Variants in CFAP99 observed in about 807,000 individuals in gnomAD.
CFAP99 encodes cilia and flagella associated protein 99, also known as cilia- and flagella-associated protein 99.
Under a neutral mutation model 82.7 loss-of-function variants are expected in CFAP99, and 84 were observed. The observed-to-expected ratio is 1.02, with a 90% CI of 0.85 to 1.22. The LOEUF is 1.22. CFAP99 is among the 50% of genes most tolerant of loss of function. The pLI is 0.00. For missense variants in CFAP99, 1,059 were observed against 983.5 expected (o/e 1.08, Z -1.03); for synonymous variants, 456 against 429.5 (o/e 1.06, Z -0.76).
intron 3 of CFAP99, among the ~76,000 whole-genome samples, chr4:2,437,280 G>A (rs954394084): frequency 2.0e-5 from 3 of 152,192 alleles, no homozygotes; most frequent in Non-Finnish European, 4.4e-5. Context: ...AAGGCAGCCC[G>A]GACAACACGA....
At chr4:2,442,131 G>C (rs937513250) in intron 4 of CFAP99, among the ~76,000 whole-genome samples, 2 of 152,206 alleles carry the variant, frequency 1.3e-5, no homozygotes, top group African/African-American at 4.8e-5. Flanking sequence ...CCCCAGCTGA[G>C]ACGCTGAGTG....
chr4:2,442,054 A>G (rs1734054435), intron 4 of CFAP99, among the ~76,000 whole-genome samples: 3 of 152,156 alleles, frequency 2.0e-5, no homozygotes, highest in Non-Finnish European at 4.4e-5. Flanking sequence ...GGTTCCGGGT[A>G]GGGCTGTCCC....
At chr4:2,460,510 A>G (rs560950522) in intron 14 of CFAP99, among the ~76,000 whole-genome samples, 1 of 152,326 alleles carries the variant, frequency 6.6e-6, no homozygotes, top group East Asian at 1.9e-4. Context: ...ACCTTTCACC[A>G]TATGTGCTTC....
chr4:2,440,042 A>G (rs1426072798), intron 4 of CFAP99, among the ~76,000 whole-genome samples: 3 of 151,188 alleles, frequency 2.0e-5, no homozygotes, highest in South Asian at 4.2e-4. Context: ...GGGTTTCACC[A>G]TGTTGGCCAG....
chr4:2,443,330 C>G (rs889134802), intron 5 of CFAP99, 88 bp downstream of exon 5: 3 of 762,868 alleles, frequency 3.9e-6, no homozygotes, highest in Non-Finnish European at 6.7e-6. Context: ...TCCACGTTCC[C>G]CTTCCTGCTC....
chr4:2,454,084 C>T (rs1328527310), intron 11 of CFAP99, among the ~76,000 whole-genome samples: 1 of 152,008 alleles, frequency 6.6e-6, no homozygotes, highest in Non-Finnish European at 1.5e-5. Flanking sequence ...CTGCAACCTC[C>T]ACCTCCTGGG....
chr4:2,445,130 G>C lies in CFAP99; in HGVS notation c.465-1G>C. On this transcript the variant is annotated splice_acceptor_variant, in intron 5 of 14. Transcript: ENST00000635017. LOFTEE classifies it high-confidence loss of function. ...GAGGTGTTTCCACTTTTGCCTTCAA[G>C]ATGGCAGCCAGAGGTCCAGGAGCTG... is the stretch of plus-strand genomic sequence containing the variant. 1 of 1,352,158 alleles carries C rather than the reference G, an allele frequency of 7.4e-7. No individual in the cohort carries two copies. The highest frequency in any genetic ancestry group is 9.5e-7 in the Non-Finnish European group (1 of 1,055,050). The allele number at this position is 1,352,158 out of a possible 1,614,324, so 83.8% of individuals were successfully genotyped here. A position where few individuals can be genotyped will look rare whatever the true frequency, so the allele number is the denominator to read the frequency against.
chr4:2,442,881 T>G (rs953567398), intron 4 of CFAP99, among the ~76,000 whole-genome samples: 11 of 147,708 alleles, frequency 7.4e-5, no homozygotes, highest in Non-Finnish European at 1.4e-4. Context: ...GGCAGGGAGC[T>G]CACTGGGGGT....
At chr4:2,442,933 GGCC>G (rs1734079671) in intron 4 of CFAP99, among the ~76,000 whole-genome samples, 194 bp from the exon 5 acceptor site, 1 of 108,860 alleles carries the variant, frequency 9.2e-6, no homozygotes, top group Non-Finnish European at 2.0e-5. Flanking sequence ...GGGTGCTGGG[GGCC>G]TTGGGGGGAG....
Position 2,452,250 on chromosome 4 carries a change from G to A in CFAP99, c.1065G>A (p.Arg355=), listed in dbSNP as rs764258165. 9.6e-4 allele frequency: 1,479 copies of A among 1,536,108 alleles called. 15 individuals are homozygous for A. The highest frequency in any genetic ancestry group is 6.7e-4 in the Middle Eastern group (4 of 5,976). The stretch of plus-strand genomic sequence containing the variant: ...AGCAGCTGGCTGCAAGCGAGTGCCG[G>A]CGGTTGCAAGGGAAGCTTAGCCATG... The change falls in exon 11 of 15, where the codon CGG becomes CGA. Residue 355 remains arginine, a synonymous_variant. Transcript: ENST00000635017.
chr4:2,449,921 G>A lies in CFAP99; in HGVS notation c.724-13G>A. 1 of 1,536,212 alleles carries A rather than the reference G, an allele frequency of 6.5e-7. No homozygotes were observed. The highest frequency in any genetic ancestry group is 8.7e-7 in the Non-Finnish European group (1 of 1,146,926). ...AGGCTGGTGGGACTGGAGCCGCTGT[G>A]TCACTGTGGCAGGAGCTGCTGCTGA... On this transcript the variant is annotated splice_polypyrimidine_tract_variant and intron_variant, in intron 7 of 14. Coordinates refer to ENST00000635017, the Ensembl canonical transcript of CFAP99.
chr4:2,426,961 C>T (rs1733697966), intron 2 of CFAP99: 3 of 258,842 alleles, frequency 1.2e-5, no homozygotes, highest in East Asian at 8.6e-5. Context: ...AGGGCTGTGG[C>T]AGTGAGGGTG....
intron 2 of CFAP99, among the ~76,000 whole-genome samples, chr4:2,433,906 C>A (rs1462105120): frequency 2.0e-5 from 3 of 152,196 alleles, no homozygotes; most frequent in Non-Finnish European, 4.4e-5. Flanking sequence ...CTGGGCACTT[C>A]CATGCAGGGC....
chr4:2,433,107 A>G (rs1045428729), intron 2 of CFAP99, among the ~76,000 whole-genome samples: 2 of 150,914 alleles, frequency 1.3e-5, no homozygotes, highest in African/African-American at 5.0e-5. Flanking sequence ...CTGGGATGTC[A>G]TTTACTGGCT....
exon 6 of CFAP99, chr4:2,445,177 T>C: frequency 7.0e-7 from 1 of 1,418,632 alleles, no homozygotes; most frequent in Non-Finnish European, 9.2e-7. Context: ...GGAGGGCGTG[T>C]CTGCCAGTCA....
intron 3 of CFAP99, 45 bp downstream of exon 3, chr4:2,437,063 C>T (rs111249785): frequency 6.5e-7 from 1 of 1,532,170 alleles, no homozygotes. Flanking sequence ...AGAGACGGTT[C>T]ACTCAGGCTC....
intron 10 of CFAP99, 139 bp downstream of exon 10, chr4:2,451,491 AG>A (rs1352884604): frequency 2.8e-6 from 2 of 715,202 alleles, no homozygotes; most frequent in African/African-American, 3.5e-5. Flanking sequence ...CTGCAGCAAC[AG>A]GGGCGACAAG....
intron 2 of CFAP99, 120 bp from the exon 3 acceptor site, chr4:2,436,754 A>G: frequency 2.6e-6 from 2 of 781,486 alleles, no homozygotes; most frequent in Non-Finnish European, 4.1e-6. Context: ...GGGCCCCACT[A>G]ACAGGCCCTT....
intron 11 of CFAP99, among the ~76,000 whole-genome samples, chr4:2,456,183 GT>G (rs200533548): frequency 6.6e-6 from 1 of 151,806 alleles, no homozygotes; most frequent in Non-Finnish European, 1.5e-5. Context: ...CAGTTACCAG[GT>G]TTTTTTTGTT....
Sources: gnomAD v4.1 joint callset for allele counts (sites outside exome capture counted in the v4.1 genomes callset) on GRCh38, gnomAD v4.1.1 for gene constraint, MANE v1.5 for transcripts, NCBI Gene and HGNC (gene_info 2026-07-23, HGNC 2026-07-21) for gene names.